ADCY9: variants seen among roughly 807,000 people sequenced by gnomAD.
The protein encoded by ADCY9 is adenylate cyclase type 9.
A neutral mutation model predicts 101.5 loss-of-function variants in ADCY9; 50 were observed. The observed-to-expected ratio is 0.49, with a 90% confidence interval of 0.39 to 0.62. The LOEUF is 0.62. Among genes scored for constraint, ADCY9 ranks in the 20% least tolerant of loss-of-function variants. The pLI is 0.00. For missense variants in ADCY9, 1,662 were observed against 1,800.4 expected (o/e 0.92, Z 1.39); for synonymous variants, 905 against 769.3 (o/e 1.18, Z -2.92).
chr16:3,973,119 T>C (rs2056066617), intron 10 of ADCY9, among the ~76,000 whole-genome samples: 2 of 152,248 alleles, frequency 1.3e-5, no homozygotes, highest in South Asian at 4.1e-4. Context: ...CCATATTTAC[T>C]GCATTTTAAC....
At chr16:4,113,511 C>T (rs1467422622) in intron 2 of ADCY9, among the ~76,000 whole-genome samples, 2 of 152,180 alleles carry the variant, frequency 1.3e-5, no homozygotes, top group South Asian at 2.1e-4. Context: ...CAAAGTTCTC[C>T]TTCCTTCTAA....
chr16:4,114,169 C>T lies in ADCY9; in HGVS notation c.1274G>A (p.Arg425His). ...LVGLLNDLFG[R>H]FDRLCEETKC... ...GGTCTCCTCACACAGGCGGTCGAAGCGACCGAACAGATCGTTCAGGAGACC... is the reference window on the plus strand; with the variant it reads ...GGTCTCCTCACACAGGCGGTCGAAGTGACCGAACAGATCGTTCAGGAGACC... The change falls in exon 2 of 11, where the codon CGC becomes CAC. Residue 425 changes from arginine to histidine, a missense_variant. Physicochemically the swap from Arg to His is conservative, Grantham distance 29. Around this residue, in one of 5 missense-constraint regions of ADCY9, gnomAD observed 228 missense variants for 301.1 expected, o/e 0.76. Transcript: ENST00000294016. This position sits in a 1 kb window ranked among gnomAD's most constrained non-coding sequence, Gnocchi z 4.3. 6 of 1,613,908 alleles carry T rather than the reference C, an allele frequency of 3.7e-6. No individual in the cohort carries two copies. Among genetic ancestry groups the T allele is most frequent in the Non-Finnish European group, 5.1e-6 (6 of 1,180,044 alleles).
intron 2 of ADCY9, among the ~76,000 whole-genome samples, chr16:4,014,487 G>A (rs1199228110): frequency 1.3e-5 from 2 of 151,128 alleles, no homozygotes; most frequent in African/African-American, 2.4e-5. Context: ...TTGCTCTGTT[G>A]CCCAGGCTGG....
chr16:4,001,053 T>C (rs1355352912), intron 3 of ADCY9, among the ~76,000 whole-genome samples: 1 of 144,710 alleles, frequency 6.9e-6, no homozygotes, highest in Non-Finnish European at 1.5e-5. Context: ...TTGCAGAGAG[T>C]GGGAAAGACA....
At chr16:4,069,573 C>A (rs1335896776) in intron 2 of ADCY9, among the ~76,000 whole-genome samples, 1 of 151,954 alleles carries the variant, frequency 6.6e-6, no homozygotes, top group African/African-American at 2.4e-5. Context: ...GGGTGACTTA[C>A]CAGAGTTACC....
At chr16:3,959,805 C>G (rs567022177), downstream of ADCY9, among the ~76,000 whole-genome samples, 2 of 152,284 alleles carry the variant, frequency 1.3e-5, no homozygotes, top group African/African-American at 4.8e-5. Flanking sequence ...GCAGGTGGAT[C>G]ACCTGAAGTC....
chr16:4,102,736 T>A (rs2057051594), intron 2 of ADCY9, among the ~76,000 whole-genome samples: 1 of 151,908 alleles, frequency 6.6e-6, no homozygotes, highest in Non-Finnish European at 1.5e-5. Context: ...TGTGTTTGTT[T>A]TTTGAGGCAG....
At chr16:4,084,392 C>G (rs8058659) in intron 2 of ADCY9, among the ~76,000 whole-genome samples, 17 of 152,138 alleles carry the variant, frequency 1.1e-4, no homozygotes, top group Admixed American at 3.3e-4. Context: ...GTTTACAGGC[C>G]TGAGCCACCG....
At chr16:3,960,964 G>A (rs926201260), downstream of ADCY9, among the ~76,000 whole-genome samples, 11 of 151,946 alleles carry the variant, frequency 7.2e-5, no homozygotes, top group South Asian at 2.1e-4. Context: ...TTCCCAGTAC[G>A]CGGGATCTAT....
At chr16:3,967,977 C>T (rs146990198) in intron 10 of ADCY9, among the ~76,000 whole-genome samples, 65 of 152,180 alleles carry the variant, frequency 4.3e-4, no homozygotes, top group African/African-American at 1.4e-3. Context: ...AGGTGTGAGC[C>T]ACTGCACCCG....
chr16:4,023,856 G>A (rs1158160822), intron 2 of ADCY9, among the ~76,000 whole-genome samples: 1 of 152,014 alleles, frequency 6.6e-6, no homozygotes, highest in African/African-American at 2.4e-5. Context: ...GCTGCAGTGG[G>A]CCGAGATTAC....
At chr16:4,016,021 T>C (rs1339229118) in intron 2 of ADCY9, among the ~76,000 whole-genome samples, 1 of 151,450 alleles carries the variant, frequency 6.6e-6, no homozygotes. Context: ...GGTCATATCA[T>C]AGCACAGGGC....
chr16:3,987,263 C>T (rs575038758), intron 6 of ADCY9, among the ~76,000 whole-genome samples: 1 of 152,228 alleles, frequency 6.6e-6, no homozygotes, highest in Non-Finnish European at 1.5e-5. Context: ...CCCATCAGGC[C>T]ACGTCTTTCC....
chr16:3,962,288 C>G (rs1187882449), downstream of ADCY9, among the ~76,000 whole-genome samples: 1 of 152,168 alleles, frequency 6.6e-6, no homozygotes, highest in Non-Finnish European at 1.5e-5. Context: ...TTTCAGAAAA[C>G]CTACTTTTTC....
chr16:4,093,362 G>A (rs187570288), intron 2 of ADCY9, among the ~76,000 whole-genome samples: 45 of 152,232 alleles, frequency 3.0e-4, no homozygotes, highest in African/African-American at 1.1e-3. Flanking sequence ...ACCTAGAGCA[G>A]GCCTAGAAAA....
At chr16:4,093,284 C>G (rs2056984222) in intron 2 of ADCY9, among the ~76,000 whole-genome samples, 1 of 152,194 alleles carries the variant, frequency 6.6e-6, no homozygotes. Flanking sequence ...GTTTCATATT[C>G]AACCATTTGC....
intron 2 of ADCY9, among the ~76,000 whole-genome samples, chr16:4,007,985 C>T (rs2056378570): frequency 6.6e-6 from 1 of 152,116 alleles, no homozygotes; most frequent in South Asian, 2.1e-4. Context: ...GACGTCATGG[C>T]AGCTTCCGGT....
intron 2 of ADCY9, among the ~76,000 whole-genome samples, chr16:4,044,318 T>G (rs904809804): frequency 2.0e-5 from 3 of 151,170 alleles, no homozygotes; most frequent in Non-Finnish European, 4.4e-5. Context: ...CTGCACTCCA[T>G]CCTGAGCAAC....
At position 4,089,590 on chromosome 16, in the gene ADCY9, C is replaced by T. The variant is rs186166191; in HGVS notation, c.1693+24160G>A. On this transcript the variant is annotated intron_variant, in intron 2 of 10. Transcript: ENST00000294016. ...GTTTTTCACCTCTTAGGCACAAACC[C>T]AGGAGTGGCATGGCTGGGCCCTACG... Among the ~76,000 whole-genome samples the T allele has an allele frequency of 5.4e-3, 826 of 152,098 alleles. 7 individuals carry two copies. Among genetic ancestry groups the T allele is most frequent in the Admixed American group, 0.013 (204 of 15,270 alleles).
Sources: gnomAD v4.1 joint callset for allele counts (sites outside exome capture counted in the v4.1 genomes callset) on GRCh38, gnomAD v4.1.1 for gene constraint, gnomAD v4.1.1 regional missense constraint, Gnocchi (gnomAD v3.1) non-coding constraint, MANE v1.5 for transcripts, NCBI Gene and HGNC (gene_info 2026-07-23, HGNC 2026-07-21) for gene names.